The following RYR2 variants were observed in gnomAD, a reference collection of about 807,000 sequenced individuals.
RYR2 encodes ryanodine receptor 2.
In RYR2, 227 loss-of-function variants were observed where a neutral mutation model predicts 601.1. That is an observed-to-expected ratio of 0.38 (90% CI 0.34 to 0.42). The LOEUF is 0.42. RYR2 is among the 10% of genes least tolerant of loss of function. The pLI, the probability that RYR2 is intolerant of heterozygous loss-of-function variation, is 1.00. For synonymous variants in RYR2, 2,223 were observed against 2,175.1 expected (o/e 1.02, Z -0.61); for missense variants, 4,646 against 6,156.5 (o/e 0.75, Z 8.21).
At chr1:237,798,658 TATACCATC>T (rs1653386831) in intron 97 of RYR2, among the ~76,000 whole-genome samples, 1 of 152,158 alleles carries the variant, frequency 6.6e-6, no homozygotes, top group African/African-American at 2.4e-5. Flanking sequence ...TCAGAAATAA[TATACCATC>T]ATACCATTAC....
chr1:237,681,575 T>C (rs568297228), intron 62 of RYR2, among the ~76,000 whole-genome samples: 3 of 152,352 alleles, frequency 2.0e-5, no homozygotes, highest in Admixed American at 2.0e-4. Flanking sequence ...CTTCAAATGA[T>C]AATTTTCCTA....
At chr1:237,371,160 TA>T (rs1700612704) in intron 6 of RYR2, among the ~76,000 whole-genome samples, 1 of 152,014 alleles carries the variant, frequency 6.6e-6, no homozygotes, top group Admixed American at 6.6e-5. Context: ...ACCAAATTTA[TA>T]TCATTTTGTT....
rs111903308 is a variant in RYR2, at chr1:237,550,257, A to G, written c.3067-287A>G. On this transcript the variant is annotated intron_variant, in intron 26 of 104. Transcript: ENST00000366574. ...ATGTTCTCTAAGTTTGTCCTTTGCC[A>G]TGTGAACGTGGCAGATGGAAGTGGT... Among the ~76,000 whole-genome samples, 2,189 of 152,312 alleles carry G rather than the reference A, an allele frequency of 0.014. 18 individuals are homozygous for G. Among genetic ancestry groups the G allele is most frequent in the Non-Finnish European group, 0.023 (1,533 of 68,020 alleles).
rs1381990337 is a variant in RYR2, at chr1:237,132,877, A to G, written c.48+90308A>G. On this transcript the variant is annotated intron_variant, in intron 1 of 104. Transcript: ENST00000366574. ...ATTGCATGGGATGATGTGAGAGTGAACAGGGAAATGTCACATGATTCTCAC... is the reference window on the plus strand; with the variant it reads ...ATTGCATGGGATGATGTGAGAGTGAGCAGGGAAATGTCACATGATTCTCAC... 2.6e-5 allele frequency among the ~76,000 whole-genome samples: 4 copies of G among 152,204 alleles called. No individual in the cohort carries two copies. The South Asian group carries it at 6.2e-4, about 24-fold the overall frequency.
At chr1:237,503,225 T>C in intron 21 of RYR2, 64 bp from the exon 22 acceptor site, 1 of 1,425,752 alleles carries the variant, frequency 7.0e-7, no homozygotes, top group Admixed American at 2.1e-5. Flanking sequence ...CCTAAGATTT[T>C]GTGAATTAGA....
At chr1:237,718,617 A>G (rs1419353847) in intron 73 of RYR2, 96 bp downstream of exon 73, 2 of 592,958 alleles carry the variant, frequency 3.4e-6, no homozygotes, top group Admixed American at 2.8e-5. Context: ...TTTAAACATT[A>G]AGGTAATAGA....
chr1:237,641,471 G>GTCTGTCTTTCTTTCTTTCTT (rs1260670992), intron 47 of RYR2, among the ~76,000 whole-genome samples: 17 of 108,704 alleles, frequency 1.6e-4, no homozygotes, highest in East Asian at 4.5e-4. Context: ...GTGTCTGTCT[G>GTCTGTCTTTCTTTCTTTCTT]TCTTTCTTTC....
intron 55 of RYR2, 69 bp downstream of exon 55, chr1:237,660,143 AT>A: frequency 4.9e-6 from 4 of 824,110 alleles, no homozygotes; most frequent in Non-Finnish European, 6.9e-6. Flanking sequence ...TTTTGGTTAT[AT>A]TTTTTATATT....
chr1:237,429,226 T>G (rs1462276204), intron 12 of RYR2, among the ~76,000 whole-genome samples: 1 of 152,150 alleles, frequency 6.6e-6, no homozygotes, highest in Non-Finnish European at 1.5e-5. Context: ...TCTCTCTAGT[T>G]GATCTCACTG....
At chr1:237,350,633 A>AGATATAT (rs1698754922) in intron 3 of RYR2, among the ~76,000 whole-genome samples, 1 of 92,370 alleles carries the variant, frequency 1.1e-5, no homozygotes, top group Non-Finnish European at 2.2e-5. Context: ...ATATATATAT[A>AGATATAT]TCTCTGACCT....
At chr1:237,375,190 A>C (rs1264843744) in intron 7 of RYR2, among the ~76,000 whole-genome samples, 1 of 152,236 alleles carries the variant, frequency 6.6e-6, no homozygotes, top group African/African-American at 2.4e-5. Context: ...AAAAAGATAA[A>C]AAATGAAAGT....
In RYR2 at chr1:237,066,633, G is replaced by A. The variant is rs1171177765; in HGVS notation, c.48+24064G>A. 1.8e-3 allele frequency among the ~76,000 whole-genome samples: 244 copies of A among 133,532 alleles called. 3 individuals carry two copies. Among genetic ancestry groups the A allele is most frequent in the Non-Finnish European group, 4.2e-4 (27 of 63,778 alleles). 87.6% of individuals were successfully genotyped at this position (133,532 alleles called of 152,430 possible). On this transcript the variant is annotated intron_variant, in intron 1 of 104. Transcript: ENST00000366574. ...TCTTTCATGTGCTTATTTGCCACCC[G>A]TGTCTTTCTTTTTTTTTTTTTTCTT...
At chr1:237,550,761 GA>G in intron 27 of RYR2, 70 bp downstream of exon 27, 1 of 1,447,864 alleles carries the variant, frequency 6.9e-7, no homozygotes, top group African/African-American at 1.4e-5. Context: ...CCAAATAAAT[GA>G]ATAAAAGGGG....
At chr1:237,104,155 C>G (rs1441513431) in intron 1 of RYR2, among the ~76,000 whole-genome samples, 1 of 152,118 alleles carries the variant, frequency 6.6e-6, no homozygotes, top group Non-Finnish European at 1.5e-5. Context: ...GTAGGTAGAA[C>G]CTGGAGGGAG....
At chr1:237,719,892 G>A (rs913859522) in intron 73 of RYR2, among the ~76,000 whole-genome samples, 5 of 152,074 alleles carry the variant, frequency 3.3e-5, no homozygotes, top group African/African-American at 1.2e-4. Flanking sequence ...CATGAGATTT[G>A]GGCAGGGACA....
intron 71 of RYR2, among the ~76,000 whole-genome samples, chr1:237,714,586 A>G (rs1689103990): frequency 6.6e-6 from 1 of 152,120 alleles, no homozygotes; most frequent in Non-Finnish European, 1.5e-5. Flanking sequence ...ATTAAATTTA[A>G]AGCTATTTTC....
At chr1:237,175,609 T>A (rs1287461337) in intron 1 of RYR2, among the ~76,000 whole-genome samples, 1 of 152,216 alleles carries the variant, frequency 6.6e-6, no homozygotes. Flanking sequence ...TGTGAACTCT[T>A]TGGGATCTAC....
At chr1:237,439,208 G>A (rs532145375) in intron 12 of RYR2, among the ~76,000 whole-genome samples, 12 of 152,112 alleles carry the variant, frequency 7.9e-5, no homozygotes, top group Non-Finnish European at 1.3e-4. Flanking sequence ...TTTCTCCTAA[G>A]CCTGAGCTAC....
At chr1:237,308,219 G>T (rs544649517) in intron 2 of RYR2, among the ~76,000 whole-genome samples, 1 of 152,092 alleles carries the variant, frequency 6.6e-6, no homozygotes. Context: ...TAATAATATC[G>T]ATTCTTGCAA....
Sources: allele counts gnomAD v4.1 joint callset (sites outside exome capture counted in the v4.1 genomes callset), GRCh38; gene constraint gnomAD v4.1.1; transcripts MANE v1.5; gene names NCBI Gene and HGNC (gene_info 2026-07-23, HGNC 2026-07-21).